PXDN: variants seen among roughly 807,000 people sequenced by gnomAD.
The protein encoded by PXDN is peroxidasin homolog.
In PXDN, 77 loss-of-function variants were observed where a neutral mutation model predicts 140.3. The ratio of observed to expected loss-of-function variants is 0.55; its 90% CI spans 0.46 to 0.66. PXDN has a LOEUF of 0.66. Among genes scored for constraint, PXDN ranks in the 30% least tolerant of loss-of-function variants. The pLI, the probability that PXDN is intolerant of heterozygous loss-of-function variation, is 0.00. For missense variants in PXDN, 1,838 were observed against 2,039.5 expected, an observed-to-expected ratio of 0.90 and a Z score of 1.90; for synonymous variants, 911 against 857.4, an observed-to-expected ratio of 1.06 and a Z score of -1.09.
chr2:1,655,237 T>G (rs1683102346), intron 14 of PXDN, among the ~76,000 whole-genome samples: 1 of 149,290 alleles, frequency 6.7e-6, no homozygotes, highest in Non-Finnish European at 1.5e-5. Context: ...AATCACATTA[T>G]ATACACAGAA....
At chr2:1,635,979 A>G in intron 21 of PXDN, 1 of 282,920 alleles carries the variant, frequency 3.5e-6, no homozygotes, top group Non-Finnish European at 6.8e-6. Context: ...CAGGGGTAGC[A>G]GAAGCCTCCT....
intron 6 of PXDN, among the ~76,000 whole-genome samples, chr2:1,682,214 C>T (rs544849086): frequency 6.6e-6 from 1 of 152,320 alleles, no homozygotes; most frequent in East Asian, 1.9e-4. Context: ...CTAAACTTGT[C>T]TTGGCTACTT....
chr2:1,639,332 G>A lies in PXDN; in HGVS notation c.4043C>T (p.Thr1348Ile). Reference protein sequence around the residue: ...LEFSYQEDKPTKKTRPRKIPS... With the variant: ...LEFSYQEDKPIKKTRPRKIPS... ...TATTTTCCGTGGTCTTGTTTTCTTG[G>A]TCGGCTTGTCCTCCTGGTAGCTGAA... The change falls in exon 20 of 23, where the codon ACC becomes ATC. Residue 1348 changes from threonine (T) to isoleucine (I), a missense_variant. Physicochemically the swap from Thr to Ile is moderately conservative, Grantham distance 89 (BLOSUM62 -1). Transcript: ENST00000252804. The surrounding 1 kb of genome is among the most constrained non-coding windows in gnomAD (Gnocchi z 5.0). 1.2e-6 allele frequency: 2 copies of A among 1,613,948 alleles called. No individual in the cohort carries two copies. Among genetic ancestry groups the A allele is most frequent in the South Asian group, 1.1e-5 (1 of 91,070 alleles).
rs550784477 is a variant in PXDN, at chr2:1,716,440, G to GAAAAAAAA, written c.201-23314_201-23307dup. ...GCAACAGAGTGAGACTCCATCTCAG[G>GAAAAAAAA]AAAAAAAAAAAAAAAAAAAAAAAAA... On this transcript the variant is annotated intron_variant, in intron 1 of 22. Transcript: ENST00000252804. Among the ~76,000 whole-genome samples the GAAAAAAAA allele has an allele frequency of 3.2e-3, 187 of 58,210 alleles. 17 individuals carry two copies. In the East Asian group the frequency reaches 0.086, roughly 27 times the overall value. 38.2% of individuals were successfully genotyped at this position (58,210 alleles called of 152,430 possible). A position where few individuals can be genotyped will look rare whatever the true frequency, so the allele number is the denominator to read the frequency against.
At chr2:1,674,432 A>G (rs1018126290) in intron 8 of PXDN, among the ~76,000 whole-genome samples, 28 of 152,186 alleles carry the variant, frequency 1.8e-4, no homozygotes, top group Admixed American at 1.1e-3. Context: ...GGGATCTGGG[A>G]GGAACCTGTG....
intron 1 of PXDN, among the ~76,000 whole-genome samples, chr2:1,705,316 G>A (rs1684570321): frequency 6.6e-6 from 1 of 152,308 alleles, no homozygotes; most frequent in Non-Finnish European, 1.5e-5. Flanking sequence ...GTGAATGTAG[G>A]AGGCAGCCAT....
chr2:1,743,084 G>T (rs1229999817), intron 1 of PXDN, among the ~76,000 whole-genome samples: 1 of 152,232 alleles, frequency 6.6e-6, no homozygotes, highest in Admixed American at 6.5e-5. Context: ...CGCAGCCCGC[G>T]TTCACAGATC....
intron 19 of PXDN, among the ~76,000 whole-genome samples, chr2:1,641,758 A>G (rs924443641): frequency 6.6e-6 from 1 of 152,250 alleles, no homozygotes; most frequent in East Asian, 1.9e-4. Flanking sequence ...CTGGCTTTAA[A>G]GATGAAGTCT....
In PXDN at chr2:1,696,694, T is replaced by TG. The variant is rs1684307826; in HGVS notation, c.201-3561dup. Among the ~76,000 whole-genome samples, 3 of 152,284 alleles carry TG rather than the reference T, an allele frequency of 2.0e-5. No individual in the cohort carries two copies. The South Asian group carries it at 6.2e-4, about 32-fold the overall frequency. On this transcript the variant is annotated intron_variant, in intron 1 of 22. Coordinates refer to ENST00000252804, the MANE Select transcript of PXDN (RefSeq NM_012293.3). ...ATTTTCTGTCTGATACCACAGCACA[T>TG]GAAAGGAGCTAGAAAGATTGTCACC...
intron 5 of PXDN, 78 bp downstream of exon 5, chr2:1,684,002 T>C: frequency 3.0e-6 from 4 of 1,340,772 alleles, no homozygotes; most frequent in South Asian, 2.7e-5. Context: ...TTGGTAGATA[T>C]TGACCTTAAT....
chr2:1,705,635 G>A (rs1684582061), intron 1 of PXDN, among the ~76,000 whole-genome samples: 1 of 146,004 alleles, frequency 6.8e-6, no homozygotes, highest in African/African-American at 2.6e-5. Flanking sequence ...GCAGGGTGCA[G>A]GGTGCAGCTC....
intron 14 of PXDN, among the ~76,000 whole-genome samples, chr2:1,658,026 G>GGCTC (rs1683191994): frequency 1.2e-5 from 1 of 83,606 alleles, no homozygotes; most frequent in Non-Finnish European, 2.2e-5. Flanking sequence ...TTCAGCTGTG[G>GGCTC]GCTCTCTCTC....
At chr2:1,665,123 G>T in intron 10 of PXDN, 49 bp from the exon 11 acceptor site, 1 of 1,384,458 alleles carries the variant, frequency 7.2e-7, no homozygotes, top group Non-Finnish European at 1.0e-6. Context: ...AACAGCCTGG[G>T]GTAAAAACGC....
chr2:1,687,206 T>C lies in PXDN; in HGVS notation c.416+426A>G, dbSNP rs1684080832. Among the ~76,000 whole-genome samples, 1 of 152,212 alleles carries C rather than the reference T, an allele frequency of 6.6e-6. No homozygotes were observed. The highest frequency in any genetic ancestry group is 1.5e-5 in the Non-Finnish European group (1 of 68,040). ...GAAATTCAGCTTCATGTGTTCACAG[T>C]CATAAGGAGGAACAGTGAACGAGGC... On this transcript the variant is annotated intron_variant, in intron 4 of 22. Transcript: ENST00000252804. This position sits in a 1 kb window ranked among gnomAD's most constrained non-coding sequence, Gnocchi z 4.0.
In PXDN at chr2:1,653,738, C is replaced by T. The variant is rs1683066566; in HGVS notation, c.1994G>A (p.Arg665Lys). The T allele has an allele frequency of 1.3e-6, 2 of 1,595,948 alleles. No homozygotes were observed. The highest frequency in any genetic ancestry group is 1.7e-6 in the Non-Finnish European group (2 of 1,171,126). ...TGCCTGTTCAACTGTGTAAGGATCC[C>T]TCGGATACCGGAACAAGGCCAGCAA... ...NDLLALFRYP[R>K]DPYTVEQARA... Residue 665 changes from arginine to lysine, a missense_variant, in exon 16 of 23, where the codon AGG becomes AAG. By Grantham distance (26) the Arg-to-Lys change is conservative. Transcript: ENST00000252804.
chr2:1,702,968 G>C (rs1044660940), intron 1 of PXDN, among the ~76,000 whole-genome samples: 5 of 130,018 alleles, frequency 3.8e-5, no homozygotes, highest in Admixed American at 2.3e-4. Context: ...AGTCTAGAAA[G>C]GCGGGACAAC....
At position 1,663,693 on chromosome 2, in the gene PXDN, G is replaced by A; in HGVS notation, c.1479C>T (p.Ala493=). ...SSGTLRISGV[A]LHDQGQYECQ... ...ATTCGTACTGGCCCTGGTCGTGGAG[G>A]GCAACACCAGAGATTCTAAGTGTTC... The change falls in exon 12 of 23, where the codon GCC becomes GCT. Residue 493 remains alanine, a synonymous_variant. Transcript: ENST00000252804. The A allele has an allele frequency of 6.2e-7, 1 of 1,613,972 alleles. No individual in the cohort carries two copies. The highest frequency in any genetic ancestry group is 8.5e-7 in the Non-Finnish European group (1 of 1,179,908).
chr2:1,728,314 C>T (rs1685237158), intron 1 of PXDN, among the ~76,000 whole-genome samples: 6 of 152,256 alleles, frequency 3.9e-5, no homozygotes. Context: ...GGCGGTCACA[C>T]GGCAAGGGCA....
Position 1,648,557 on chromosome 2 carries a change from T to G in PXDN, c.3223A>C (p.Thr1075Pro). 6.2e-7 allele frequency: 1 copy of G among 1,613,780 alleles called. No individual in the cohort carries two copies. The highest frequency in any genetic ancestry group is 1.1e-5 in the South Asian group (1 of 91,084). Residue 1075 changes from threonine to proline, a missense_variant, in exon 17 of 23, where the codon ACG becomes CCG. Physicochemically the swap from Thr to Pro is conservative, Grantham distance 38 (BLOSUM62 -1). Coordinates refer to ENST00000252804, the MANE Select transcript of PXDN (RefSeq NM_012293.3). This position sits in a 1 kb window ranked among gnomAD's most constrained non-coding sequence, Gnocchi z 8.9. ...FATAAFRFGH[T>P]LVNPLLYRLD... ...CGGTAAAGCAGTGGGTTGACAAGCGTGTGGCCAAACCTGAAGGCCGCGGTG... is the reference window on the plus strand; with the variant it reads ...CGGTAAAGCAGTGGGTTGACAAGCGGGTGGCCAAACCTGAAGGCCGCGGTG...
Sources: gnomAD v4.1 joint callset for allele counts (sites outside exome capture counted in the v4.1 genomes callset) on GRCh38, gnomAD v4.1.1 for gene constraint, Gnocchi (gnomAD v3.1) non-coding constraint, MANE v1.5 for transcripts, NCBI Gene and HGNC (gene_info 2026-07-23, HGNC 2026-07-21) for gene names.